TOP3B: variants seen among roughly 807,000 people sequenced by gnomAD.
The protein encoded by TOP3B is DNA topoisomerase 3-beta-1.
In TOP3B, 45 loss-of-function variants were observed where a neutral mutation model predicts 93.9. The ratio of observed to expected loss-of-function variants is 0.48; its 90% CI spans 0.38 to 0.61. The LOEUF is 0.61. TOP3B is among the 20% of genes least tolerant of loss of function. The pLI is 0.00. For missense variants in TOP3B, 750 were observed against 1,156.1 expected, an observed-to-expected ratio of 0.65 and a Z score of 5.09; for synonymous variants, 357 against 472.6, an observed-to-expected ratio of 0.76 and a Z score of 3.17.
intron 16 of TOP3B, 200 bp from the exon 17 acceptor site, chr22:21,958,893 G>A: frequency 9.4e-7 from 1 of 1,058,410 alleles, no homozygotes; most frequent in Non-Finnish European, 1.3e-6. Flanking sequence ...GTACATTAAT[G>A]CCCATGATGG....
intron 7 of TOP3B, 57 bp from the exon 8 acceptor site, chr22:21,967,773 A>C (rs564347663): frequency 7.3e-7 from 1 of 1,367,558 alleles, no homozygotes; most frequent in Admixed American, 1.7e-5. Flanking sequence ...GGTGAGCCCA[A>C]CGCCAGGAAG....
chr22:21,960,592 C>G lies in TOP3B; in HGVS notation c.1526-143G>C, dbSNP rs923235231. 66 of 1,156,696 alleles carry G rather than the reference C, an allele frequency of 5.7e-5. No homozygotes were observed. In the Admixed American group the frequency reaches 1.4e-3, roughly 24 times the overall value. 71.7% of individuals were successfully genotyped at this position (1,156,696 alleles called of 1,614,324 possible). A position where few individuals can be genotyped will look rare whatever the true frequency, so the allele number is the denominator to read the frequency against. Reference sequence around the variant, plus strand: ...ACAGGAGGGAGGGCTGTGCCCTGAGCTCCCCCTGCACTGTGCTGGGCACCA... The same window carrying G: ...ACAGGAGGGAGGGCTGTGCCCTGAGGTCCCCCTGCACTGTGCTGGGCACCA... On this transcript the variant is annotated intron_variant, in intron 13 of 17. Coordinates refer to ENST00000357179, the MANE Select transcript of TOP3B (RefSeq NM_001282112.2).
Position 21,967,609 on chromosome 22 carries a change from T to C in TOP3B, c.846A>G (p.Glu282=). Residue 282 remains glutamate (E), a synonymous_variant, in exon 8 of 18, where the codon GAA becomes GAG. Transcript: ENST00000357179. ...MFLNMTKLEK[E]AQVEATSRKE... ...GTGGGTGGAGCAGGCACACCTGGGC[T>C]TCCTTCTCCAGCTTTGTCATGTTTA... is the stretch of plus-strand genomic sequence containing the variant. 1.9e-6 allele frequency: 3 copies of C among 1,614,062 alleles called. No individual in the cohort carries two copies. The highest frequency in any genetic ancestry group is 2.5e-6 in the Non-Finnish European group (3 of 1,179,906).
At chr22:21,976,664 A>AC (rs1161427882) in intron 1 of TOP3B, 1 of 151,328 alleles carries the variant, frequency 6.6e-6, no homozygotes, top group Non-Finnish European at 1.5e-5. Flanking sequence ...CGACTACTTC[A>AC]CCCCCAAAAT....
chr22:21,972,760 C>A, intron 3 of TOP3B, 42 bp from the exon 4 acceptor site: 1 of 1,508,734 alleles, frequency 6.6e-7, no homozygotes, highest in South Asian at 1.1e-5. Flanking sequence ...AGGAGCTCAG[C>A]CTCCGAGACC....
At chr22:21,968,815 C>G (rs778328024) in intron 6 of TOP3B, 40 bp from the exon 7 acceptor site, 1 of 1,611,124 alleles carries the variant, frequency 6.2e-7, no homozygotes, top group Non-Finnish European at 8.5e-7. Flanking sequence ...CTGATTCACT[C>G]AAGACACTAT....
chr22:21,964,132 C>T (rs761180259), intron 10 of TOP3B, 29 bp downstream of exon 10: 58 of 1,613,434 alleles, frequency 3.6e-5, no homozygotes, highest in Non-Finnish European at 4.3e-5. Context: ...GACACACACA[C>T]ATGCTGAGGC....
chr22:21,960,480 C>A (rs760057623), intron 13 of TOP3B, 31 bp from the exon 14 acceptor site: 3 of 1,611,588 alleles, frequency 1.9e-6, no homozygotes, highest in Non-Finnish European at 2.5e-6. Context: ...GGGTTCCTGG[C>A]CTGCCTTGGA....
intron 1 of TOP3B, 127 bp downstream of exon 1, chr22:21,982,603 C>T (rs1281269468): frequency 6.6e-6 from 1 of 152,290 alleles, no homozygotes; most frequent in Non-Finnish European, 1.5e-5. Flanking sequence ...ATGCAGAGCC[C>T]GGCCCGGGCG....
At chr22:21,964,522 G>A (rs1466659083) in intron 9 of TOP3B, 17 of 608,202 alleles carry the variant, frequency 2.8e-5, no homozygotes, top group South Asian at 5.9e-5. Flanking sequence ...TCCCGCACCC[G>A]TAAGGCTGAA....
chr22:21,957,842 G>A (rs577651513), intron 17 of TOP3B: 2 of 1,531,324 alleles, frequency 1.3e-6, no homozygotes, highest in East Asian at 4.9e-5. Context: ...GGTTTCAGCT[G>A]ACTCCATCCC....
At chr22:21,974,239 T>C in intron 3 of TOP3B, 118 bp downstream of exon 3, 4 of 1,315,270 alleles carry the variant, frequency 3.0e-6, no homozygotes, top group Non-Finnish European at 4.1e-6. Flanking sequence ...CTGCTGGCCT[T>C]ATGACTCATG....
intron 16 of TOP3B, 79 bp from the exon 17 acceptor site, chr22:21,958,772 C>G: frequency 4.1e-6 from 6 of 1,474,468 alleles, no homozygotes; most frequent in South Asian, 1.4e-5. Flanking sequence ...TCTCATAATA[C>G]AAAGTATGTA....
At chr22:21,974,800 C>T (rs1191659762) in intron 2 of TOP3B, 7 of 207,372 alleles carry the variant, frequency 3.4e-5, no homozygotes, top group Admixed American at 5.6e-5. Flanking sequence ...TCCATTTTTG[C>T]CTCACTTCAT....
At position 21,971,224 on chromosome 22, in the gene TOP3B, C is replaced by G. The variant is rs1235835450; in HGVS notation, c.384+653G>C. On this transcript the variant is annotated intron_variant, in intron 5 of 17. Coordinates refer to ENST00000357179, the MANE Select transcript of TOP3B (RefSeq NM_001282112.2). The surrounding 1 kb of genome is among the most constrained non-coding windows in gnomAD (Gnocchi z 4.6). ...TACTGCAACGCCAGGTGCCTCAGCTCTGTCTCACTGACCAGCTCTTGAGCC... is the reference window on the plus strand; with the variant it reads ...TACTGCAACGCCAGGTGCCTCAGCTGTGTCTCACTGACCAGCTCTTGAGCC... 2.9e-6 allele frequency: 1 copy of G among 345,626 alleles called. No individual in the cohort carries two copies. The highest frequency in any genetic ancestry group is 5.4e-6 in the Non-Finnish European group (1 of 185,126). 21.4% of individuals were successfully genotyped at this position (345,626 alleles called of 1,614,324 possible). A position where few individuals can be genotyped will look rare whatever the true frequency, so the allele number is the denominator to read the frequency against.
chr22:21,962,120 T>C (rs547573773), intron 13 of TOP3B: 1 of 1,316,450 alleles, frequency 7.6e-7, no homozygotes, highest in Non-Finnish European at 9.8e-7. Flanking sequence ...ATGATTTCTA[T>C]GAGTCACCTG....
intron 3 of TOP3B, 98 bp downstream of exon 3, chr22:21,974,259 C>T (rs1425175754): frequency 1.4e-6 from 2 of 1,470,896 alleles, no homozygotes; most frequent in East Asian, 4.8e-5. Context: ...GGAGTTGGGA[C>T]AAACTTCCCT....
intron 1 of TOP3B, among the ~76,000 whole-genome samples, chr22:21,979,508 C>T (rs542743736): frequency 4.6e-5 from 7 of 152,162 alleles, no homozygotes; most frequent in African/African-American, 1.7e-4. Context: ...GACAGGGCAG[C>T]GCTGGAGTGG....
At position 21,970,520 on chromosome 22, in the gene TOP3B, C is replaced by G. The variant is rs375590718; in HGVS notation, c.385-114G>C. 11 of 1,116,252 alleles carry G rather than the reference C, an allele frequency of 9.9e-6. No individual in the cohort carries two copies. The African/African-American group carries it at 1.5e-4, about 16-fold the overall frequency. The allele number at this position is 1,116,252 out of a possible 1,614,324, so 69.1% of individuals were successfully genotyped here. A position where few individuals can be genotyped will look rare whatever the true frequency, so the allele number is the denominator to read the frequency against. On this transcript the variant is annotated intron_variant, in intron 5 of 17. Transcript: ENST00000357179. This position sits in a 1 kb window ranked among gnomAD's most constrained non-coding sequence, Gnocchi z 4.4. ...AAAGAACACGTGTGCTCGGCTCCCTCTCCTGCCCCTGCCAGACCCTCCTCT... is the reference window on the plus strand; with the variant it reads ...AAAGAACACGTGTGCTCGGCTCCCTGTCCTGCCCCTGCCAGACCCTCCTCT...
Sources: allele counts gnomAD v4.1 joint callset (sites outside exome capture counted in the v4.1 genomes callset), GRCh38; gene constraint gnomAD v4.1.1; non-coding constraint Gnocchi (gnomAD v3.1); transcripts MANE v1.5; gene names NCBI Gene and HGNC (gene_info 2026-07-23, HGNC 2026-07-21).